SNX29: variants seen among roughly 807,000 people sequenced by gnomAD.
SNX29 encodes sorting nexin 29, also known as sorting nexin-29.
In SNX29, 78 loss-of-function variants were observed where a neutral mutation model predicts 102.1. The ratio of observed to expected loss-of-function variants is 0.76; its 90% confidence interval spans 0.64 to 0.92. The LOEUF is 0.92. Among genes scored for constraint, SNX29 ranks in the 40% least tolerant of loss-of-function variants. SNX29 has a pLI of 0.00. For missense variants in SNX29, 1,280 were observed against 1,061.7 expected (o/e 1.21, Z -2.86); for synonymous variants, 580 against 414.5 (o/e 1.40, Z -4.85).
intron 19 of SNX29, among the ~76,000 whole-genome samples, chr16:12,518,516 AC>A (rs1169860838): frequency 1.3e-5 from 2 of 152,048 alleles, no homozygotes; most frequent in African/African-American, 4.8e-5. Context: ...CAGCTAAAGC[AC>A]CAGCTTCAGG....
intron 11 of SNX29, among the ~76,000 whole-genome samples, chr16:12,116,864 G>A (rs1567220681): frequency 1.3e-5 from 2 of 152,210 alleles, no homozygotes; most frequent in Non-Finnish European, 2.9e-5. Context: ...CATGGAAACA[G>A]GCTTAGTCAA....
chr16:12,574,230 G>C lies in SNX29; in HGVS notation c.*5601G>C, dbSNP rs1229607566. The C allele has an allele frequency of 5.6e-6, 1 of 177,142 alleles. No homozygotes were observed. Among genetic ancestry groups the C allele is most frequent in the South Asian group, 2.0e-4 (1 of 5,048 alleles). The allele number at this position is 177,142 out of a possible 1,614,324, so 11.0% of individuals were successfully genotyped here. A position where few individuals can be genotyped will look rare whatever the true frequency, so the allele number is the denominator to read the frequency against. ...GGAAATTTTGTTACAACCTGGTTGA[G>C]ATCAACCTCTTTACAATGACACAAA... On this transcript the variant is annotated 3_prime_UTR_variant, in exon 21 of 21. Coordinates refer to ENST00000566228, the MANE Select transcript of SNX29 (RefSeq NM_032167.5).
intron 3 of SNX29, among the ~76,000 whole-genome samples, chr16:12,015,972 C>A (rs1459182342): frequency 1.3e-5 from 2 of 151,950 alleles, no homozygotes; most frequent in Non-Finnish European, 2.9e-5. Flanking sequence ...TCAAGCAATT[C>A]TCCTGTCTCA....
At chr16:12,095,458 A>AGTGGTGAGGTCGCGAGTG (rs1376772280) in intron 11 of SNX29, among the ~76,000 whole-genome samples, 22 of 151,984 alleles carry the variant, frequency 1.4e-4, no homozygotes, top group Admixed American at 1.1e-3. Flanking sequence ...TACCCCTTTC[A>AGTGGTGAGGTCGCGAGTG]GTGGTGAGGT....
intron 14 of SNX29, among the ~76,000 whole-genome samples, chr16:12,215,027 A>G (rs773127252): frequency 6.6e-6 from 1 of 152,180 alleles, no homozygotes; most frequent in East Asian, 1.9e-4. Context: ...ATCAGTAGAC[A>G]TTTGATGAAT....
At chr16:12,015,537 CT>C (rs75041580) in intron 3 of SNX29, among the ~76,000 whole-genome samples, 18,404 of 137,362 alleles carry the variant, frequency 0.13, 1,333 homozygotes, top group African/African-American at 0.19. Flanking sequence ...CGTGCCTGGT[CT>C]TTTTTTTTTT....
chr16:12,463,847 T>TGTGG (rs2086926732), intron 18 of SNX29, among the ~76,000 whole-genome samples: 1 of 149,680 alleles, frequency 6.7e-6, no homozygotes, highest in Non-Finnish European at 1.5e-5. Context: ...TGTGTGTGTG[T>TGTGG]GTGTGTGAGA....
chr16:12,123,755 T>G (rs2054082002), intron 11 of SNX29, among the ~76,000 whole-genome samples: 1 of 152,090 alleles, frequency 6.6e-6, no homozygotes, highest in South Asian at 2.1e-4. Flanking sequence ...GGGAAGAACT[T>G]GCGATGTTCT....
chr16:12,537,643 T>C (rs542624941), intron 20 of SNX29, among the ~76,000 whole-genome samples: 1 of 152,160 alleles, frequency 6.6e-6, no homozygotes, highest in East Asian at 1.9e-4. Context: ...TTAGATATTA[T>C]TACAGTTGTT....
intron 18 of SNX29, among the ~76,000 whole-genome samples, chr16:12,404,847 C>G (rs1386571649): frequency 6.6e-6 from 1 of 152,166 alleles, no homozygotes; most frequent in African/African-American, 2.4e-5. Flanking sequence ...CTCACCTTCC[C>G]AAATGACCGC....
chr16:12,531,410 G>A (rs1179332772), intron 20 of SNX29, among the ~76,000 whole-genome samples: 1 of 143,404 alleles, frequency 7.0e-6, no homozygotes, highest in Non-Finnish European at 1.5e-5. Flanking sequence ...CCCTCAAAAT[G>A]TTGCAGACAG....
At chr16:12,567,642 G>C (rs563298281) in intron 20 of SNX29, among the ~76,000 whole-genome samples, 2 of 152,104 alleles carry the variant, frequency 1.3e-5, no homozygotes, top group African/African-American at 4.8e-5. Context: ...AGTACCTATA[G>C]TCCCAGCTGC....
rs543654939 is a variant in SNX29 at position 12,452,819 on chromosome 16, A to G, written c.2038-24900A>G. The stretch of plus-strand genomic sequence containing the variant: ...CAGGAACTGTCACCTCTGCTCCGAC[A>G]TGAGATCACAGGTCTATCTATCCTG... On this transcript the variant is annotated intron_variant, in intron 18 of 20. Coordinates refer to ENST00000566228, the MANE Select transcript of SNX29 (RefSeq NM_032167.5). Among the ~76,000 whole-genome samples the G allele has an allele frequency of 7.9e-5, 12 of 152,324 alleles. No homozygotes were observed. In the East Asian group the frequency reaches 1.9e-3, roughly 24 times the overall value.
At chr16:12,277,524 TC>T (rs1402620889) in intron 14 of SNX29, among the ~76,000 whole-genome samples, 1 of 152,244 alleles carries the variant, frequency 6.6e-6, no homozygotes, top group Non-Finnish European at 1.5e-5. Flanking sequence ...ATTTCTTGAC[TC>T]CTGTGCTTCT....
At chr16:12,011,624 A>G (rs557097540) in intron 3 of SNX29, among the ~76,000 whole-genome samples, 15 of 152,192 alleles carry the variant, frequency 9.9e-5, no homozygotes, top group African/African-American at 3.6e-4. Context: ...TCTTACTTAT[A>G]TTGATAGTTG....
At chr16:12,470,349 T>G (rs993199898) in intron 18 of SNX29, among the ~76,000 whole-genome samples, 3 of 152,192 alleles carry the variant, frequency 2.0e-5, no homozygotes, top group African/African-American at 7.2e-5. Context: ...TCTCACCGCC[T>G]TCATGTCAGC....
At chr16:12,365,926 C>A (rs1318311447) in intron 16 of SNX29, among the ~76,000 whole-genome samples, 1 of 150,748 alleles carries the variant, frequency 6.6e-6, no homozygotes, top group African/African-American at 2.4e-5. Context: ...CTTGTAGTCC[C>A]AGCTACTCGG....
chr16:12,441,800 T>G (rs1352849355), intron 18 of SNX29, among the ~76,000 whole-genome samples: 1 of 152,230 alleles, frequency 6.6e-6, no homozygotes, highest in Non-Finnish European at 1.5e-5. Context: ...TTGTTTTGTT[T>G]TGTTTTGAGT....
chr16:12,076,000 G>A (rs543766436), intron 10 of SNX29, among the ~76,000 whole-genome samples: 2 of 152,326 alleles, frequency 1.3e-5, no homozygotes, highest in Admixed American at 6.5e-5. Context: ...CTCACGCGCT[G>A]TTTCCTAAGC....
Sources: allele counts gnomAD v4.1 joint callset (sites outside exome capture counted in the v4.1 genomes callset), GRCh38; gene constraint gnomAD v4.1.1; transcripts MANE v1.5; gene names NCBI Gene and HGNC (gene_info 2026-07-23, HGNC 2026-07-21).